The following DLGAP2 variants were observed in gnomAD, a reference collection of about 807,000 sequenced individuals.
DLGAP2 encodes disks large-associated protein 2.
DLGAP2 carries 26 observed loss-of-function variants against 100.3 expected under a neutral mutation model. The observed-to-expected ratio is 0.26, with a 90% confidence interval of 0.19 to 0.36. The LOEUF (loss-of-function observed/expected upper bound fraction) is 0.36, where lower values mean the gene tolerates loss of function less well. Ranked by LOEUF, DLGAP2 falls within the 10% of genes least tolerant of loss-of-function variation. DLGAP2 has a pLI of 1.00. For missense variants in DLGAP2, 1,858 were observed against 1,453.2 expected (o/e 1.28, Z -4.53); for synonymous variants, 886 against 630.1 (o/e 1.41, Z -6.08).
At chr8:1,115,514 A>T (rs1371619634) in intron 2 of DLGAP2, among the ~76,000 whole-genome samples, 2 of 152,232 alleles carry the variant, frequency 1.3e-5, no homozygotes, top group African/African-American at 2.4e-5. Flanking sequence ...TATTGTGAAG[A>T]TTCTGAGTTT....
chr8:822,974 A>G (rs935658831), intron 1 of DLGAP2, among the ~76,000 whole-genome samples: 3 of 152,054 alleles, frequency 2.0e-5, no homozygotes, highest in African/African-American at 4.8e-5. Context: ...GCATTTCACG[A>G]GATTTGTCAA....
intron 2 of DLGAP2, among the ~76,000 whole-genome samples, chr8:1,012,769 C>T (rs1259316542): frequency 1.4e-5 from 2 of 147,970 alleles, no homozygotes; most frequent in Non-Finnish European, 3.0e-5. Flanking sequence ...ACCCTCCGAC[C>T]AGCCCCCCAC....
chr8:1,691,476 G>C, intron 12 of DLGAP2, 59 bp from the exon 13 acceptor site: 4 of 1,432,714 alleles, frequency 2.8e-6, no homozygotes, highest in Non-Finnish European at 3.9e-6. Context: ...TTCTGCTTTT[G>C]TGTAATTGAC....
At chr8:843,525 C>T (rs1402055091) in intron 1 of DLGAP2, among the ~76,000 whole-genome samples, 2 of 152,230 alleles carry the variant, frequency 1.3e-5, no homozygotes, top group Admixed American at 6.5e-5. Context: ...GGGGTTCCAC[C>T]GGGCCTGGCC....
At chr8:1,360,479 G>C (rs1563104816) in intron 3 of DLGAP2, among the ~76,000 whole-genome samples, 1 of 129,700 alleles carries the variant, frequency 7.7e-6, no homozygotes. Context: ...AAGGGACCCT[G>C]CCCCACTGCA....
chr8:888,129 T>C (rs75970451), intron 1 of DLGAP2, among the ~76,000 whole-genome samples: 3,414 of 152,328 alleles, frequency 0.022, 58 homozygotes, highest in Non-Finnish European at 0.037. Context: ...CTTATTTCAG[T>C]AACGTGATCT....
intron 3 of DLGAP2, among the ~76,000 whole-genome samples, chr8:1,269,709 C>T (rs949304497): frequency 6.6e-6 from 1 of 152,252 alleles, no homozygotes; most frequent in South Asian, 2.1e-4. Flanking sequence ...CCCCCTCCCC[C>T]AGCCAATCTT....
intron 12 of DLGAP2, among the ~76,000 whole-genome samples, chr8:1,690,849 C>T (rs892538364): frequency 6.6e-6 from 1 of 151,968 alleles, no homozygotes; most frequent in Non-Finnish European, 1.5e-5. Flanking sequence ...GTTAGCATTA[C>T]ACATATACTG....
Position 1,521,862 on chromosome 8 carries a change from G to A in DLGAP2, c.172+20431G>A, listed in dbSNP as rs34843434. Among the ~76,000 whole-genome samples the A allele has an allele frequency of 3.8e-3, 573 of 149,722 alleles. 2 individuals are homozygous for A. The highest frequency in any genetic ancestry group is 0.012 in the African/African-American group (485 of 40,488). ...TACTCGGGGGCAGGTGATTTGGGGCGTCTCTGGTTTGCACACTTGTTTTAA... is the reference window on the plus strand; with the variant it reads ...TACTCGGGGGCAGGTGATTTGGGGCATCTCTGGTTTGCACACTTGTTTTAA... On this transcript the variant is annotated intron_variant, in intron 4 of 14. Coordinates refer to ENST00000637795, the MANE Select transcript of DLGAP2 (RefSeq NM_001346810.2).
chr8:1,421,607 G>C (rs986906198), intron 3 of DLGAP2, among the ~76,000 whole-genome samples: 5 of 152,256 alleles, frequency 3.3e-5, no homozygotes, highest in Middle Eastern at 3.4e-3. Flanking sequence ...AGAGAGTAAC[G>C]ATTGCAAAAG....
intron 2 of DLGAP2, among the ~76,000 whole-genome samples, chr8:1,095,519 G>A (rs796627782): frequency 8.5e-5 from 13 of 152,312 alleles, no homozygotes; most frequent in African/African-American, 3.1e-4. Context: ...TGACCTTTCT[G>A]AGCCCCCTTG....
At chr8:1,576,103 A>G (rs185832728) in intron 6 of DLGAP2, among the ~76,000 whole-genome samples, 6 of 152,148 alleles carry the variant, frequency 3.9e-5, no homozygotes, top group African/African-American at 1.2e-4. Context: ...AAGTGTTCCT[A>G]TTTCTCCACA....
chr8:1,593,403 C>T (rs769704771), intron 6 of DLGAP2, among the ~76,000 whole-genome samples: 2 of 151,788 alleles, frequency 1.3e-5, no homozygotes, highest in Non-Finnish European at 2.9e-5. Flanking sequence ...TGCAGTGAGC[C>T]GAGATCGCGC....
At chr8:1,204,314 C>T (rs528049117) in intron 2 of DLGAP2, among the ~76,000 whole-genome samples, 8 of 152,266 alleles carry the variant, frequency 5.3e-5, no homozygotes, top group South Asian at 2.1e-4. Flanking sequence ...GAAGTTCTCA[C>T]GAGAGAACAA....
At chr8:1,619,298 C>G (rs1797254273) in intron 6 of DLGAP2, among the ~76,000 whole-genome samples, 1 of 152,152 alleles carries the variant, frequency 6.6e-6, no homozygotes, top group African/African-American at 2.4e-5. Context: ...CTAGAATGGC[C>G]TAAGTTAAAA....
At chr8:1,086,028 T>C (rs928533891) in intron 2 of DLGAP2, among the ~76,000 whole-genome samples, 1 of 152,236 alleles carries the variant, frequency 6.6e-6, no homozygotes, top group Non-Finnish European at 1.5e-5. Flanking sequence ...TTGTTGCCAT[T>C]GTTAATGGGA....
chr8:1,500,252 C>T (rs1057130703), intron 3 of DLGAP2, among the ~76,000 whole-genome samples: 2 of 152,262 alleles, frequency 1.3e-5, no homozygotes, highest in Non-Finnish European at 2.9e-5. Flanking sequence ...AGGCCACTCC[C>T]CACACCACTC....
chr8:1,280,866 C>G (rs996412137), intron 3 of DLGAP2, among the ~76,000 whole-genome samples: 1 of 152,214 alleles, frequency 6.6e-6, no homozygotes, highest in Non-Finnish European at 1.5e-5. Flanking sequence ...ATCTTCAGGT[C>G]TATCCCTGAA....
chr8:796,074 G>C (rs987812922), intron 1 of DLGAP2, among the ~76,000 whole-genome samples: 9 of 143,942 alleles, frequency 6.3e-5, no homozygotes, highest in African/African-American at 2.3e-4. Flanking sequence ...GTGAGAGCAG[G>C]CGTCCAGTGA....
Sources: gnomAD v4.1 joint callset for allele counts (sites outside exome capture counted in the v4.1 genomes callset) on GRCh38, gnomAD v4.1.1 for gene constraint, MANE v1.5 for transcripts, NCBI Gene and HGNC (gene_info 2026-07-23, HGNC 2026-07-21) for gene names.